Variants in AQP11 observed in about 807,000 individuals in gnomAD.
AQP11 encodes aquaporin 11.
In AQP11, 20 loss-of-function variants were observed where a neutral mutation model predicts 21.1. That is an observed-to-expected ratio of 0.95 (90% CI 0.67 to 1.38). The LOEUF (loss-of-function observed/expected upper bound fraction) is 1.38. AQP11 is among the 40% of genes most tolerant of loss of function. The probability of loss-of-function intolerance (pLI) is 0.00; values close to 1 mark genes in which losing one functional copy is unlikely to be tolerated. For missense variants in AQP11, 339 were observed against 340.4 expected, an observed-to-expected ratio of 1.00 and a Z score of 0.03; for synonymous variants, 167 against 150.1, an observed-to-expected ratio of 1.11 and a Z score of -0.82.
At chr11:77,608,036 T>C (rs1379410167) in intron 2 of AQP11, among the ~76,000 whole-genome samples, 1 of 152,124 alleles carries the variant, frequency 6.6e-6, no homozygotes, top group Non-Finnish European at 1.5e-5. Flanking sequence ...ATCTAAGTGG[T>C]TGCCAAACCT....
chr11:77,600,275 G>T (rs1200016212), intron 1 of AQP11, among the ~76,000 whole-genome samples: 1 of 151,936 alleles, frequency 6.6e-6, no homozygotes, highest in Non-Finnish European at 1.5e-5. Flanking sequence ...AGCCAGGAAT[G>T]ACATATTATT....
chr11:77,601,344 CTTTTTTTTTTTTT>C (rs36104720), intron 1 of AQP11, among the ~76,000 whole-genome samples: 126 of 129,410 alleles, frequency 9.7e-4, no homozygotes, highest in Non-Finnish European at 1.2e-3. Context: ...CCATTCAAAA[CTTTTTTTTTTTTT>C]TTTTTTTTTG....
In AQP11 at chr11:77,590,476, G is replaced by A. The variant is rs747650973; in HGVS notation, c.484G>A (p.Asp162Asn). The change falls in exon 1 of 3, where the codon GAC (aspartate) becomes AAC (asparagine). Residue 162 changes from aspartate (D) to asparagine (N), a missense_variant. Asp to Asn is a conservative substitution (Grantham distance 23). Transcript: ENST00000313578. ...CGCTTGCAAGAATCCCATCCGAGTC[G>A]ACTTGCTCAAAGCGGTCATCACAGA... ...SFACKNPIRV[D>N]LLKAVITEAV... is the part of the protein sequence containing the mutation. The A allele has an allele frequency of 3.1e-6, 5 of 1,614,166 alleles. No homozygotes were observed. The East Asian group carries it at 1.1e-4, about 36-fold the overall frequency.
At position 77,590,545 on chromosome 11, in the gene AQP11, C is replaced by G. The variant is rs761897009; in HGVS notation, c.553C>G (p.Gln185Glu). The change falls in exon 1 of 3, where the codon CAG becomes GAG. Residue 185 changes from glutamine to glutamate, a missense_variant. Gln to Glu is a conservative substitution (Grantham distance 29). Coordinates refer to ENST00000313578, the MANE Select transcript of AQP11 (RefSeq NM_173039.3). ...FLFHSALLHF[Q>E]EVRTKLRIHL... ...CTTCCACAGCGCTCTGCTGCACTTC[C>G]AGGAAGTCCGAACCAAGCTTCGTAT... 1.2e-6 allele frequency: 2 copies of G among 1,614,206 alleles called. No homozygotes were observed. The highest frequency in any genetic ancestry group is 1.7e-5 in the Admixed American group (1 of 60,028).
chr11:77,597,298 G>A (rs572997639), intron 1 of AQP11, among the ~76,000 whole-genome samples: 57 of 152,292 alleles, frequency 3.7e-4, no homozygotes, highest in Non-Finnish European at 7.1e-4. Flanking sequence ...CAGGCCAGGC[G>A]CAGTGGCTCA....
intron 2 of AQP11, among the ~76,000 whole-genome samples, chr11:77,606,785 C>T (rs1165716263): frequency 6.6e-6 from 1 of 152,036 alleles, no homozygotes; most frequent in Non-Finnish European, 1.5e-5. Flanking sequence ...TTTATAGAAA[C>T]GGGGTTTCTA....
intron 2 of AQP11, among the ~76,000 whole-genome samples, chr11:77,605,431 AGTCCGTGGC>A (rs2135751211): frequency 6.6e-6 from 1 of 152,298 alleles, no homozygotes; most frequent in African/African-American, 2.4e-5. Context: ...AGACCAGTAT[AGTCCGTGGC>A]CTGTTAGTAA....
At chr11:77,600,300 A>T (rs554165237) in intron 1 of AQP11, among the ~76,000 whole-genome samples, 1 of 152,114 alleles carries the variant, frequency 6.6e-6, no homozygotes, top group African/African-American at 2.4e-5. Context: ...ATATTATTGT[A>T]TATGCGTATA....
intron 2 of AQP11, among the ~76,000 whole-genome samples, chr11:77,605,353 T>C (rs755673038): frequency 6.6e-5 from 10 of 152,200 alleles, no homozygotes; most frequent in Non-Finnish European, 1.5e-4. Context: ...ACATGATTTA[T>C]TTGTTAGCGT....
At chr11:77,604,115 GT>G (rs1220922820) in intron 2 of AQP11, among the ~76,000 whole-genome samples, 2 of 151,900 alleles carry the variant, frequency 1.3e-5, no homozygotes, top group Non-Finnish European at 2.9e-5. Context: ...TATTGTTTTT[GT>G]TTTGTTTTTT....
chr11:77,607,052 A>G (rs1412826974), intron 2 of AQP11, among the ~76,000 whole-genome samples: 3 of 152,198 alleles, frequency 2.0e-5, no homozygotes, highest in Non-Finnish European at 4.4e-5. Context: ...GCATGTTTCT[A>G]TATTTCTTTC....
At chr11:77,592,435 C>T (rs532697526) in intron 1 of AQP11, among the ~76,000 whole-genome samples, 1 of 152,236 alleles carries the variant, frequency 6.6e-6, no homozygotes, top group African/African-American at 2.4e-5. Context: ...TATGGTTTAG[C>T]TCTTTATTTC....
intron 2 of AQP11, among the ~76,000 whole-genome samples, chr11:77,605,652 G>GC (rs1223277175): frequency 6.6e-6 from 1 of 152,034 alleles, no homozygotes; most frequent in East Asian, 1.9e-4. Flanking sequence ...CCAAAACCAT[G>GC]CCCCCAGTCC....
chr11:77,590,324 G>A lies in AQP11; in HGVS notation c.332G>A (p.Gly111Asp). The A allele has an allele frequency of 3.1e-6, 5 of 1,610,064 alleles. No homozygotes were observed. The highest frequency in any genetic ancestry group is 3.4e-6 in the Non-Finnish European group (4 of 1,177,132). ...CGVMMQMMLG[G>D]MSPETGAVRL... is the part of the protein sequence containing the mutation. Reference sequence around the variant, plus strand: ...GTGATGATGCAGATGATGCTGGGGGGCATGTCCCCCGAGACGGGTGCGGTG... The same window carrying A: ...GTGATGATGCAGATGATGCTGGGGGACATGTCCCCCGAGACGGGTGCGGTG... Residue 111 changes from glycine to aspartate, a missense_variant, in exon 1 of 3, where the codon GGC becomes GAC. Gly to Asp is a moderately conservative substitution (Grantham distance 94). Transcript: ENST00000313578.
Position 77,590,129 on chromosome 11 carries a change from C to T in AQP11, c.137C>T (p.Ala46Val). ...CAGCTGCACAGGCCGGTGGCCCACG[C>T]CTTCGTCCTGGAGTTTCTAGCCACC... ...RQQLHRPVAH[A>V]FVLEFLATFQ... Residue 46 changes from alanine to valine, a missense_variant, in exon 1 of 3, where the codon GCC (alanine) becomes GTC (valine). Coordinates refer to ENST00000313578, the MANE Select transcript of AQP11 (RefSeq NM_173039.3). 1 of 1,608,320 alleles carries T rather than the reference C, an allele frequency of 6.2e-7. No homozygotes were observed. The highest frequency in any genetic ancestry group is 8.5e-7 in the Non-Finnish European group (1 of 1,179,818).
At chr11:77,598,093 A>G (rs143342891) in intron 1 of AQP11, among the ~76,000 whole-genome samples, 324 of 152,344 alleles carry the variant, frequency 2.1e-3, no homozygotes, top group African/African-American at 7.4e-3. Flanking sequence ...TCATCAGGGT[A>G]TGATAACACT....
chr11:77,597,657 G>A (rs1958791044), intron 1 of AQP11, among the ~76,000 whole-genome samples: 1 of 152,196 alleles, frequency 6.6e-6, no homozygotes, highest in Non-Finnish European at 1.5e-5. Context: ...GTGGAGTTTG[G>A]AGATGCAAAC....
chr11:77,590,441 A>G lies in AQP11; in HGVS notation c.449A>G (p.Glu150Gly). Reference sequence around the variant, plus strand: ...GGTCTGACCCAGTATCACGTCAGCGAGAGGAGCTTCGCTTGCAAGAATCCC... The same window carrying G: ...GGTCTGACCCAGTATCACGTCAGCGGGAGGAGCTTCGCTTGCAAGAATCCC... Reference protein sequence around the residue: ...SLGLTQYHVSERSFACKNPIR... With the variant: ...SLGLTQYHVSGRSFACKNPIR... The change falls in exon 1 of 3, where the codon GAG becomes GGG. Residue 150 changes from glutamate to glycine, a missense_variant. By Grantham distance (98) the Glu-to-Gly change is moderately conservative. Transcript: ENST00000313578. 6.2e-7 allele frequency: 1 copy of G among 1,614,038 alleles called. No homozygotes were observed. Among genetic ancestry groups the G allele is most frequent in the Non-Finnish European group, 8.5e-7 (1 of 1,180,020 alleles).
intron 1 of AQP11, among the ~76,000 whole-genome samples, chr11:77,596,388 C>T (rs1958778883): frequency 6.7e-6 from 1 of 149,490 alleles, no homozygotes. Flanking sequence ...TTGCAGCGAG[C>T]TGATATCACA....
Sources: gnomAD v4.1 joint callset for allele counts (sites outside exome capture counted in the v4.1 genomes callset) on GRCh38, gnomAD v4.1.1 for gene constraint, MANE v1.5 for transcripts, NCBI Gene and HGNC (gene_info 2026-07-23, HGNC 2026-07-21) for gene names.